MRTFB: variants seen among roughly 807,000 people sequenced by gnomAD.
MRTFB encodes the protein myocardin related transcription factor B, also known as myocardin-related transcription factor B.
In MRTFB, 29 loss-of-function variants were observed where a neutral mutation model predicts 104.2. That is an observed-to-expected ratio of 0.28 (90% CI 0.21 to 0.38). The LOEUF is 0.38. MRTFB is among the 10% of genes least tolerant of loss of function. The pLI is 1.00. For missense variants in MRTFB, 1,270 were observed against 1,341.6 expected, an observed-to-expected ratio of 0.95 and a Z score of 0.83; for synonymous variants, 535 against 519.5, an observed-to-expected ratio of 1.03 and a Z score of -0.41.
At chr16:14,195,606 A>G (rs2040398833) in intron 3 of MRTFB, 2 of 970,374 alleles carry the variant, frequency 2.1e-6, no homozygotes, top group African/African-American at 1.8e-5. Flanking sequence ...GAGGTAAACA[A>G]TATTCCACTG....
Position 14,261,301 on chromosome 16 carries a change from G to C in MRTFB, c.3157G>C (p.Asp1053His), listed in dbSNP as rs775110634. ...GTPCLSLDLS[D>H]SNLDNMEWLD... ...TCCCTGTCTGTCTCTCGACCTGTCA[G>C]ACTCAAACTTGGACAACATGGAGTG... is the stretch of plus-strand genomic sequence containing the variant. Residue 1053 changes from aspartate (D) to histidine (H), a missense_variant, in exon 17 of 17, where the codon GAC (aspartate) becomes CAC (histidine). Coordinates refer to ENST00000571589, the MANE Select transcript of MRTFB (RefSeq NM_001308142.2). The C allele has an allele frequency of 3.7e-6, 6 of 1,614,126 alleles. No individual in the cohort carries two copies. Among genetic ancestry groups the C allele is most frequent in the Non-Finnish European group, 5.1e-6 (6 of 1,180,030 alleles).
chr16:14,045,493 A>G, the MRTFB span, among the ~76,000 whole-genome samples: 5 of 152,220 alleles, frequency 3.3e-5, no homozygotes, highest in African/African-American at 1.2e-4. Context: ...AACATATATC[A>G]GCAGATATTC....
intron 3 of MRTFB, among the ~76,000 whole-genome samples, chr16:14,187,906 T>G (rs1483836662): frequency 1.3e-5 from 2 of 152,234 alleles, no homozygotes. Flanking sequence ...TCCCCCTTTT[T>G]CAGCCTCTGC....
chr16:14,007,107 A>T, the MRTFB span, among the ~76,000 whole-genome samples: 7 of 152,228 alleles, frequency 4.6e-5, no homozygotes, highest in African/African-American at 9.6e-5. Context: ...GTACAAGTCA[A>T]TGGCTTTCAG....
chr16:14,256,403 G>C (rs909339595), intron 15 of MRTFB, among the ~76,000 whole-genome samples: 17 of 152,186 alleles, frequency 1.1e-4, no homozygotes, highest in Admixed American at 4.6e-4. Context: ...ATTCCTCTCT[G>C]GGTTGGATTT....
At chr16:14,233,961 A>C (rs2042384476) in intron 8 of MRTFB, among the ~76,000 whole-genome samples, 185 bp from the exon 9 acceptor site, 1 of 152,178 alleles carries the variant, frequency 6.6e-6, no homozygotes, top group African/African-American at 2.4e-5. Flanking sequence ...TAAAGACTAA[A>C]TGATTGGCTC....
Position 14,120,771 on chromosome 16 carries a change from A to T in MRTFB, c.-63-19773A>T, listed in dbSNP as rs533210536. Among the ~76,000 whole-genome samples the T allele has an allele frequency of 3.3e-5, 5 of 152,294 alleles. No homozygotes were observed. In the South Asian group the frequency reaches 1.0e-3, roughly 32 times the overall value. ...GATTGGAACTTAGTGTGTGGGGGAT[A>T]GAATAGTGGGTGGTTGTGCTAGGAA... is the stretch of plus-strand genomic sequence containing the variant. On this transcript the variant is annotated intron_variant, in intron 2 of 16. Transcript: ENST00000571589.
chr16:14,240,101 C>T, intron 9 of MRTFB, 136 bp from the exon 10 acceptor site: 1 of 1,046,578 alleles, frequency 9.6e-7, no homozygotes, highest in Admixed American at 3.1e-5. Context: ...ACGAATTTAG[C>T]ATATTGCTTT....
At chr16:14,171,073 T>G (rs2039405965) in intron 3 of MRTFB, among the ~76,000 whole-genome samples, 1 of 152,246 alleles carries the variant, frequency 6.6e-6, no homozygotes, top group African/African-American at 2.4e-5. Flanking sequence ...TTCTATGTCC[T>G]TTTGACAAGC....
chr16:14,234,329 C>A, intron 9 of MRTFB, 46 bp downstream of exon 9: 1 of 1,604,468 alleles, frequency 6.2e-7, no homozygotes, highest in South Asian at 1.1e-5. Flanking sequence ...TTATTTGTGA[C>A]TCTGTCTATA....
At chr16:14,240,120 G>A (rs960482790) in intron 9 of MRTFB, 117 bp from the exon 10 acceptor site, 9 of 1,205,500 alleles carry the variant, frequency 7.5e-6, no homozygotes, top group Non-Finnish European at 1.0e-5. Context: ...TTCCAAAGTG[G>A]CTGTACCCGT....
intron 3 of MRTFB, among the ~76,000 whole-genome samples, chr16:14,160,228 C>T (rs548204287): frequency 1.3e-5 from 2 of 152,238 alleles, no homozygotes; most frequent in African/African-American, 4.8e-5. Context: ...AGTTCCTCAC[C>T]TTTAAAAATT....
intron 3 of MRTFB, chr16:14,151,525 C>G (rs1211911966): frequency 6.6e-6 from 1 of 152,150 alleles, no homozygotes; most frequent in African/African-American, 2.4e-5. Context: ...GAATTTTCAC[C>G]ATGATGTTTT....
chr16:14,223,410 C>CAAAG (rs2041834713), intron 8 of MRTFB, among the ~76,000 whole-genome samples: 1 of 151,892 alleles, frequency 6.6e-6, no homozygotes, highest in South Asian at 2.1e-4. Context: ...CCCTACTGGA[C>CAAAG]AAAGACTTTA....
chr16:14,191,427 C>A (rs930110821), intron 3 of MRTFB, among the ~76,000 whole-genome samples: 7 of 152,194 alleles, frequency 4.6e-5, no homozygotes, highest in Admixed American at 3.9e-4. Flanking sequence ...ATGATAATTT[C>A]TTCTCTCCTG....
the MRTFB span, among the ~76,000 whole-genome samples, chr16:14,022,216 C>A: frequency 1.3e-5 from 2 of 152,166 alleles, no homozygotes; most frequent in African/African-American, 4.8e-5. Flanking sequence ...GCCAGTCTGC[C>A]TACCACACTA....
chr16:14,096,224 C>T (rs914713744), intron 2 of MRTFB, among the ~76,000 whole-genome samples: 16 of 152,018 alleles, frequency 1.1e-4, no homozygotes, highest in African/African-American at 3.6e-4. Context: ...CAGGCATGTC[C>T]ACCACGCCCA....
At chr16:14,184,505 A>G (rs969655145) in intron 3 of MRTFB, among the ~76,000 whole-genome samples, 1 of 152,106 alleles carries the variant, frequency 6.6e-6, no homozygotes, top group African/African-American at 2.4e-5. Context: ...TATAGGCGTG[A>G]CCCACCACTG....
the MRTFB span, among the ~76,000 whole-genome samples, chr16:14,006,489 G>C: frequency 6.6e-6 from 1 of 151,902 alleles, no homozygotes; most frequent in Non-Finnish European, 1.5e-5. Context: ...CTCCAGCCTG[G>C]GCAGCAGAGT....
Sources: gnomAD v4.1 joint callset for allele counts (sites outside exome capture counted in the v4.1 genomes callset) on GRCh38, gnomAD v4.1.1 for gene constraint, MANE v1.5 for transcripts, NCBI Gene and HGNC (gene_info 2026-07-23, HGNC 2026-07-21) for gene names.